GRIN3A: variants seen among roughly 807,000 people sequenced by gnomAD.
The protein encoded by GRIN3A is glutamate ionotropic receptor NMDA type subunit 3A.
In GRIN3A, 47 loss-of-function variants were observed where a neutral mutation model predicts 92.4. That is an observed-to-expected ratio of 0.51 (90% CI 0.40 to 0.65). GRIN3A has a LOEUF of 0.65. GRIN3A is among the 30% of genes least tolerant of loss of function. GRIN3A has a pLI of 0.00. For missense variants in GRIN3A, 1,324 were observed against 1,393.1 expected, an observed-to-expected ratio of 0.95 and a Z score of 0.79; for synonymous variants, 527 against 540.6, an observed-to-expected ratio of 0.97 and a Z score of 0.35.
chr9:101,724,384 C>T (rs1348143620), intron 1 of GRIN3A, among the ~76,000 whole-genome samples: 1 of 152,156 alleles, frequency 6.6e-6, no homozygotes, highest in Non-Finnish European at 1.5e-5. Flanking sequence ...TGCCCAGGGC[C>T]GGCAGGGCCG....
intron 4 of GRIN3A, among the ~76,000 whole-genome samples, chr9:101,626,881 T>C (rs1828640605): frequency 2.0e-5 from 3 of 152,186 alleles, no homozygotes; most frequent in Admixed American, 6.5e-5. Context: ...CCTTCATCTG[T>C]GGCCGCTTTC....
At chr9:101,613,637 AG>A in intron 5 of GRIN3A, 110 bp from the exon 6 acceptor site, 1 of 980,922 alleles carries the variant, frequency 1.0e-6, no homozygotes, top group South Asian at 1.4e-5. Flanking sequence ...GGGCGTGATG[AG>A]TTTTCATCAA....
At chr9:101,623,249 T>G in intron 5 of GRIN3A, 69 bp downstream of exon 5, 1 of 1,021,114 alleles carries the variant, frequency 9.8e-7, no homozygotes. Flanking sequence ...CTTTGGCATT[T>G]GTGACTTTCT....
intron 5 of GRIN3A, among the ~76,000 whole-genome samples, chr9:101,614,821 G>C (rs1178027194): frequency 6.6e-6 from 1 of 151,508 alleles, no homozygotes; most frequent in Non-Finnish European, 1.5e-5. Flanking sequence ...GTCTCACCGT[G>C]TTGCCCAGGC....
chr9:101,715,724 G>C (rs1186319202), intron 1 of GRIN3A, among the ~76,000 whole-genome samples: 3 of 152,112 alleles, frequency 2.0e-5, no homozygotes, highest in Admixed American at 6.5e-5. Flanking sequence ...ACAATTTCAG[G>C]AGTTCATTCA....
intron 1 of GRIN3A, among the ~76,000 whole-genome samples, chr9:101,713,928 A>G (rs1032936864): frequency 6.6e-5 from 10 of 152,072 alleles, no homozygotes; most frequent in Non-Finnish European, 1.2e-4. Flanking sequence ...CAAAAATAAA[A>G]AGTAAAAACA....
At chr9:101,633,410 G>A (rs1828738565) in intron 3 of GRIN3A, among the ~76,000 whole-genome samples, 1 of 152,186 alleles carries the variant, frequency 6.6e-6, no homozygotes, top group Non-Finnish European at 1.5e-5. Flanking sequence ...GGATGCTATA[G>A]TATCAAGTGG....
At chr9:101,724,443 C>T (rs908703785) in intron 1 of GRIN3A, among the ~76,000 whole-genome samples, 3 of 152,158 alleles carry the variant, frequency 2.0e-5, no homozygotes, top group East Asian at 1.9e-4. Flanking sequence ...CCACCCAGAA[C>T]TCCAGCTGAC....
chr9:101,682,778 C>T (rs1254035288), intron 2 of GRIN3A, among the ~76,000 whole-genome samples: 2 of 151,944 alleles, frequency 1.3e-5, no homozygotes, highest in Non-Finnish European at 2.9e-5. Flanking sequence ...GTCAGGAGAT[C>T]GAGACCATCC....
At position 101,738,120 on chromosome 9, in the gene GRIN3A, C is replaced by G; in HGVS notation, c.-141G>C. ...AAGCGGTCCCAGGAGCTGGAGCGGT[C>G]TCTAGGCCATGCAAGTTGGAGCGTA... On this transcript the variant is annotated 5_prime_UTR_variant, in exon 1 of 9. Transcript: ENST00000361820. 1 of 774,848 alleles carries G rather than the reference C, an allele frequency of 1.3e-6. No homozygotes were observed. The highest frequency in any genetic ancestry group is 2.2e-6 in the Non-Finnish European group (1 of 455,850). 48.0% of individuals were successfully genotyped at this position (774,848 alleles called of 1,614,324 possible). A position where few individuals can be genotyped will look rare whatever the true frequency, so the allele number is the denominator to read the frequency against.
intron 6 of GRIN3A, among the ~76,000 whole-genome samples, chr9:101,599,694 T>G (rs59400751): frequency 0.021 from 3,251 of 152,170 alleles, 121 homozygotes; most frequent in African/African-American, 0.074. Context: ...AAATATTGAG[T>G]AGGTCACATG....
At chr9:101,623,522 CAG>C in intron 4 of GRIN3A, 89 bp from the exon 5 acceptor site, 1 of 916,418 alleles carries the variant, frequency 1.1e-6, no homozygotes, top group East Asian at 2.4e-5. Flanking sequence ...GTTTAGGGGA[CAG>C]AACCCGAACA....
intron 2 of GRIN3A, among the ~76,000 whole-genome samples, chr9:101,685,395 T>C (rs1829520632): frequency 6.6e-6 from 1 of 150,600 alleles, no homozygotes; most frequent in Admixed American, 6.7e-5. Flanking sequence ...TGAGTTTGCC[T>C]TGTAGTCCTC....
intron 3 of GRIN3A, among the ~76,000 whole-genome samples, chr9:101,636,108 C>G (rs1828781383): frequency 6.6e-6 from 1 of 152,150 alleles, no homozygotes; most frequent in Non-Finnish European, 1.5e-5. Context: ...GTCTTGAACT[C>G]CTGACCTCAA....
rs1254690663 is a variant in GRIN3A, at chr9:101,737,888, G to A, written c.92C>T (p.Ser31Phe). Reference sequence around the variant, plus strand: ...CTGGCAGGGCTGCGGGTGCGAGGAGGAGCTGGGCACCCCGGCCAGCACCAG... The same window carrying A: ...CTGGCAGGGCTGCGGGTGCGAGGAGAAGCTGGGCACCCCGGCCAGCACCAG... ...CALVLAGVPS[S>F]SSHPQPCQIL... is the part of the protein sequence containing the mutation. The change falls in exon 1 of 9, where the codon TCC becomes TTC. Residue 31 changes from serine to phenylalanine, a missense_variant. Ser to Phe is a radical substitution (Grantham distance 155). Coordinates refer to ENST00000361820, the MANE Select transcript of GRIN3A (RefSeq NM_133445.3). The A allele has an allele frequency of 6.5e-7, 1 of 1,534,452 alleles. No individual in the cohort carries two copies. The highest frequency in any genetic ancestry group is 8.7e-7 in the Non-Finnish European group (1 of 1,146,720).
intron 5 of GRIN3A, among the ~76,000 whole-genome samples, chr9:101,614,929 T>G (rs1183907646): frequency 6.6e-6 from 1 of 152,038 alleles, no homozygotes; most frequent in East Asian, 1.9e-4. Flanking sequence ...GTGATAATAC[T>G]TATTATTTTT....
chr9:101,647,659 C>T (rs1181452319), intron 3 of GRIN3A, among the ~76,000 whole-genome samples: 1 of 151,836 alleles, frequency 6.6e-6, no homozygotes, highest in Non-Finnish European at 1.5e-5. Flanking sequence ...TTTGTTACTG[C>T]TTCAGTCTTG....
chr9:101,601,708 G>C (rs1008481207), intron 6 of GRIN3A, among the ~76,000 whole-genome samples: 2 of 152,076 alleles, frequency 1.3e-5, no homozygotes, highest in Non-Finnish European at 2.9e-5. Flanking sequence ...TTCCTGACTT[G>C]CAGATGCATA....
chr9:101,637,784 A>G (rs1828804255), intron 3 of GRIN3A, among the ~76,000 whole-genome samples: 1 of 152,214 alleles, frequency 6.6e-6, no homozygotes, highest in South Asian at 2.1e-4. Flanking sequence ...ATCTAATTCC[A>G]GAGCCTTTGT....
Sources: allele counts gnomAD v4.1 joint callset (sites outside exome capture counted in the v4.1 genomes callset), GRCh38; gene constraint gnomAD v4.1.1; transcripts MANE v1.5; gene names NCBI Gene and HGNC (gene_info 2026-07-23, HGNC 2026-07-21).